ELAVL4: variants seen among roughly 807,000 people sequenced by gnomAD.
The protein encoded by ELAVL4 is ELAV like RNA binding protein 4.
Under a neutral mutation model 35.6 loss-of-function variants are expected in ELAVL4, and 1 was observed. That is an observed-to-expected ratio of 0.03 (90% CI 0.01 to 0.13). ELAVL4 has a LOEUF of 0.13. Ranked by LOEUF, ELAVL4 falls within the 10% of genes least tolerant of loss-of-function variation. The pLI is 1.00. For synonymous variants in ELAVL4, 156 were observed against 171.0 expected, an observed-to-expected ratio of 0.91 and a Z score of 0.69; for missense variants, 267 against 464.9, an observed-to-expected ratio of 0.57 and a Z score of 3.91.
chr1:50,199,987 C>T (rs1381865636), intron 6 of ELAVL4, among the ~76,000 whole-genome samples: 4 of 152,126 alleles, frequency 2.6e-5, no homozygotes, highest in African/African-American at 4.8e-5. Flanking sequence ...CAATTCTATG[C>T]TTTTCTAATG....
Position 50,121,907 on chromosome 1 carries a change from C to T in ELAVL4, c.9+12709C>T, listed in dbSNP as rs142049272. Among the ~76,000 whole-genome samples the T allele has an allele frequency of 3.5e-3, 526 of 152,032 alleles. 6 individuals carry two copies. Among genetic ancestry groups the T allele is most frequent in the African/African-American group, 0.012 (502 of 41,514 alleles). The stretch of plus-strand genomic sequence containing the variant: ...ACCTGGAATGTAATAATAAAAGTGA[C>T]AATAATCAGTAGTGAATGTGACCTA... On this transcript the variant is annotated intron_variant, in intron 1 of 6. Transcript: ENST00000371824.
In ELAVL4 at chr1:50,200,876, A is replaced by G; in HGVS notation, c.799A>G (p.Met267Val). 1.2e-6 allele frequency: 2 copies of G among 1,613,932 alleles called. No homozygotes were observed. Among genetic ancestry groups the G allele is most frequent in the Non-Finnish European group, 1.7e-6 (2 of 1,179,948 alleles). ...KRFSPITIDG[M>V]TSLVGMNIPG... ...GTTCTCCCCAATTACCATTGATGGAATGACAAGCCTTGTGGGAATGAACAT... is the reference window on the plus strand; with the variant it reads ...GTTCTCCCCAATTACCATTGATGGAGTGACAAGCCTTGTGGGAATGAACAT... The change falls in exon 7 of 7, where the codon ATG becomes GTG. Residue 267 changes from methionine to valine, a missense_variant. Physicochemically the swap from Met to Val is conservative, Grantham distance 21. Coordinates refer to ENST00000371824, the MANE Select transcript of ELAVL4 (RefSeq NM_001144774.3).
At chr1:50,158,133 C>T (rs890558207) in intron 2 of ELAVL4, among the ~76,000 whole-genome samples, 2 of 152,068 alleles carry the variant, frequency 1.3e-5, no homozygotes, top group African/African-American at 4.8e-5. Context: ...TTATTGTGAA[C>T]ATTAATTTAT....
At chr1:50,194,278 G>A (rs1439279962) in intron 4 of ELAVL4, among the ~76,000 whole-genome samples, 1 of 152,212 alleles carries the variant, frequency 6.6e-6, no homozygotes, top group Non-Finnish European at 1.5e-5. Context: ...ATGCATAGCT[G>A]TAACTCCAAT....
chr1:50,126,478 A>G (rs886683429), intron 1 of ELAVL4, among the ~76,000 whole-genome samples: 25 of 152,248 alleles, frequency 1.6e-4, no homozygotes, highest in Admixed American at 7.9e-4. Flanking sequence ...TCATATGTCA[A>G]AAATTTCAAG....
chr1:50,199,714 A>AAAAG (rs1024636302), intron 6 of ELAVL4, among the ~76,000 whole-genome samples: 40 of 151,844 alleles, frequency 2.6e-4, no homozygotes, highest in East Asian at 5.8e-4. Flanking sequence ...TCTCAAAAAA[A>AAAAG]AAAGAAAGAA....
chr1:50,195,880 G>T (rs1213164680), intron 5 of ELAVL4, 94 bp downstream of exon 5: 27 of 1,420,084 alleles, frequency 1.9e-5, no homozygotes, highest in Non-Finnish European at 2.3e-5. Flanking sequence ...TGGGGCAAGG[G>T]TAAAAGCTTC....
At chr1:50,092,595 C>A (rs907585573) in intron 1 of ELAVL4, among the ~76,000 whole-genome samples, 2 of 152,170 alleles carry the variant, frequency 1.3e-5, no homozygotes, top group Non-Finnish European at 2.9e-5. Flanking sequence ...TGATTATGTA[C>A]TCTTGCCTTA....
At chr1:50,097,237 A>G (rs1665756160) in intron 1 of ELAVL4, among the ~76,000 whole-genome samples, 1 of 152,084 alleles carries the variant, frequency 6.6e-6, no homozygotes, top group African/African-American at 2.4e-5. Context: ...AAGAAAAAAC[A>G]AAACCTCTCG....
intron 3 of ELAVL4, chr1:50,179,633 G>A (rs943750313): frequency 6.6e-6 from 1 of 152,148 alleles, no homozygotes; most frequent in Non-Finnish European, 1.5e-5. Flanking sequence ...TAGTTAACTT[G>A]CCTATCTGGA....
chr1:50,132,973 C>T (rs1385459615), intron 1 of ELAVL4, among the ~76,000 whole-genome samples: 1 of 152,098 alleles, frequency 6.6e-6, no homozygotes, highest in African/African-American at 2.4e-5. Flanking sequence ...TCTTTTATTT[C>T]ACTTCTTTTT....
Position 50,201,389 on chromosome 1 carries a change from A to AT in ELAVL4, c.*211_*212insT. ...AGGATTTTATAATGCTTAGAAAAAA[A>AT]GAAAAAAAAAAAACAAAAAATACCT... On this transcript the variant is annotated 3_prime_UTR_variant, in exon 7 of 7. Transcript: ENST00000371824. The surrounding 1 kb of genome is among the most constrained non-coding windows in gnomAD (Gnocchi z 4.3). The AT allele has an allele frequency of 7.4e-5, 30 of 407,324 alleles. No individual in the cohort carries two copies. The highest frequency in any genetic ancestry group is 7.4e-4 in the Middle Eastern group (1 of 1,344). The allele number at this position is 407,324 out of a possible 1,614,324, so 25.2% of individuals were successfully genotyped here.
At chr1:50,125,021 A>T (rs1414330257) in intron 1 of ELAVL4, among the ~76,000 whole-genome samples, 1 of 152,086 alleles carries the variant, frequency 6.6e-6, no homozygotes, top group Non-Finnish European at 1.5e-5. Context: ...GACTAAGACA[A>T]GTCCTTGCCT....
chr1:50,129,585 C>A (rs922495038), intron 1 of ELAVL4, among the ~76,000 whole-genome samples: 1 of 151,994 alleles, frequency 6.6e-6, no homozygotes, highest in African/African-American at 2.4e-5. Context: ...TTCATTATTT[C>A]TTTTTTTAGA....
intron 1 of ELAVL4, among the ~76,000 whole-genome samples, chr1:50,049,699 T>A (rs1309149082): frequency 1.3e-5 from 2 of 152,180 alleles, no homozygotes; most frequent in Non-Finnish European, 2.9e-5. Flanking sequence ...CTTCCATTCA[T>A]TTTTTAAAGC....
intron 1 of ELAVL4, among the ~76,000 whole-genome samples, chr1:50,089,079 T>A (rs918450517): frequency 6.6e-6 from 1 of 152,128 alleles, no homozygotes; most frequent in African/African-American, 2.4e-5. Flanking sequence ...GTGAATGAGC[T>A]CCTCAAATAT....
intron 1 of ELAVL4, chr1:50,144,516 T>C (rs969932017): frequency 4.9e-5 from 23 of 472,630 alleles, no homozygotes; most frequent in African/African-American, 4.4e-4. Context: ...TTTTATGAGA[T>C]AGTTAATAAA....
intron 1 of ELAVL4, among the ~76,000 whole-genome samples, chr1:50,086,461 G>T (rs970094622): frequency 1.4e-5 from 2 of 140,352 alleles, no homozygotes; most frequent in Non-Finnish European, 3.0e-5. Flanking sequence ...TTAGTTCCTT[G>T]GAACCATTCA....
chr1:50,168,946 G>GTA (rs369553332), intron 2 of ELAVL4, among the ~76,000 whole-genome samples: 4,381 of 139,590 alleles, frequency 0.031, 107 homozygotes, highest in African/African-American at 0.072. Context: ...TAGGAGATAT[G>GTA]TATATATATA....
Sources: allele counts gnomAD v4.1 joint callset (sites outside exome capture counted in the v4.1 genomes callset), GRCh38; gene constraint gnomAD v4.1.1; non-coding constraint Gnocchi (gnomAD v3.1); transcripts MANE v1.5; gene names NCBI Gene and HGNC (gene_info 2026-07-23, HGNC 2026-07-21).